The following DNM3 variants were observed in gnomAD, a reference collection of about 807,000 sequenced individuals.
DNM3 encodes the protein dynamin 3, also known as dynamin-3.
Under a neutral mutation model 101.6 loss-of-function variants are expected in DNM3, and 47 were observed. The ratio of observed to expected loss-of-function variants is 0.46; its 90% CI spans 0.37 to 0.59. DNM3 has a LOEUF of 0.59. DNM3 is among the 20% of genes least tolerant of loss of function. The pLI is 0.00. For missense variants in DNM3, 849 were observed against 1,085.7 expected, an observed-to-expected ratio of 0.78 and a Z score of 3.06; for synonymous variants, 385 against 387.9, an observed-to-expected ratio of 0.99 and a Z score of 0.09.
intron 2 of DNM3, among the ~76,000 whole-genome samples, chr1:171,939,574 T>C (rs1257799177): frequency 6.6e-6 from 1 of 152,212 alleles, no homozygotes; most frequent in Non-Finnish European, 1.5e-5. Context: ...ACAAGTTCCT[T>C]AGTTTTAGGA....
intron 15 of DNM3, among the ~76,000 whole-genome samples, chr1:172,299,848 G>C (rs1390367125): frequency 2.6e-5 from 4 of 152,142 alleles, no homozygotes; most frequent in African/African-American, 9.7e-5. Context: ...TGAACATACA[G>C]GCACATGTGT....
chr1:172,074,997 T>A (rs951274823), intron 11 of DNM3, among the ~76,000 whole-genome samples: 8 of 152,240 alleles, frequency 5.3e-5, no homozygotes, highest in African/African-American at 1.7e-4. Context: ...GACTTTTTAA[T>A]GATTTCTATT....
chr1:172,287,316 C>A (rs1557935828), intron 15 of DNM3, among the ~76,000 whole-genome samples: 2 of 152,112 alleles, frequency 1.3e-5, no homozygotes, highest in African/African-American at 4.8e-5. Context: ...AATCTATTTT[C>A]TTTATGACCT....
At chr1:172,029,378 A>G (rs943282266) in intron 4 of DNM3, among the ~76,000 whole-genome samples, 23 of 152,198 alleles carry the variant, frequency 1.5e-4, no homozygotes, top group Admixed American at 1.5e-3. Context: ...AAAACTCTCA[A>G]TAAACTAGGT....
At chr1:172,229,541 T>G (rs923443786) in intron 14 of DNM3, among the ~76,000 whole-genome samples, 1 of 152,176 alleles carries the variant, frequency 6.6e-6, no homozygotes, top group Non-Finnish European at 1.5e-5. Context: ...ACTCTACATA[T>G]GAAAATGTTG....
At chr1:172,232,297 T>C (rs1481042183) in intron 14 of DNM3, among the ~76,000 whole-genome samples, 4 of 152,118 alleles carry the variant, frequency 2.6e-5, no homozygotes, top group Non-Finnish European at 5.9e-5. Context: ...AAGAAGGCCA[T>C]TACATAATGG....
At chr1:172,053,128 A>C (rs976396828) in intron 10 of DNM3, among the ~76,000 whole-genome samples, 5 of 152,120 alleles carry the variant, frequency 3.3e-5, no homozygotes, top group Non-Finnish European at 5.9e-5. Context: ...TAAAGTTCAG[A>C]TCATTTAGGG....
intron 2 of DNM3, among the ~76,000 whole-genome samples, chr1:171,980,792 A>G (rs2044733783): frequency 7.3e-6 from 1 of 136,454 alleles, no homozygotes; most frequent in Non-Finnish European, 1.5e-5. Flanking sequence ...TTTTTTTGAG[A>G]CAGAGTCTCA....
intron 14 of DNM3, among the ~76,000 whole-genome samples, chr1:172,240,138 A>T (rs1050151967): frequency 6.6e-6 from 1 of 152,112 alleles, no homozygotes; most frequent in African/African-American, 2.4e-5. Context: ...TTTTCAAAGA[A>T]ACTATGTTCC....
intron 14 of DNM3, among the ~76,000 whole-genome samples, chr1:172,192,956 A>T (rs952078086): frequency 1.3e-5 from 2 of 151,314 alleles, no homozygotes; most frequent in African/African-American, 4.9e-5. Context: ...CGCCACACTG[A>T]CTTCCACAAT....
chr1:172,054,531 C>G (rs772422204), intron 10 of DNM3, among the ~76,000 whole-genome samples: 3 of 152,016 alleles, frequency 2.0e-5, no homozygotes, highest in Non-Finnish European at 4.4e-5. Context: ...CACAGTTTAG[C>G]AACTGTGCCA....
At chr1:172,022,343 G>T (rs929518910) in intron 4 of DNM3, among the ~76,000 whole-genome samples, 1 of 152,058 alleles carries the variant, frequency 6.6e-6, no homozygotes, top group Non-Finnish European at 1.5e-5. Flanking sequence ...AATCCTTTCT[G>T]ACAGTGGTTT....
chr1:172,089,166 CAT>C (rs140469666), intron 12 of DNM3, among the ~76,000 whole-genome samples: 5,580 of 152,278 alleles, frequency 0.037, 247 homozygotes, highest in East Asian at 0.14. Flanking sequence ...TACATCCTCA[CAT>C]GTTTATTAAT....
chr1:171,867,336 G>A (rs540544530), intron 1 of DNM3, among the ~76,000 whole-genome samples: 2 of 152,306 alleles, frequency 1.3e-5, no homozygotes, highest in South Asian at 4.1e-4. Flanking sequence ...GTGCCTCTGT[G>A]ATTGCTTTAT....
intron 14 of DNM3, among the ~76,000 whole-genome samples, chr1:172,230,793 AT>A (rs1357073903): frequency 6.6e-6 from 1 of 152,070 alleles, no homozygotes; most frequent in Non-Finnish European, 1.5e-5. Flanking sequence ...ATCCTGCTGC[AT>A]TTCTTAGAAA....
At chr1:171,886,300 A>G (rs1397045159) in intron 1 of DNM3, among the ~76,000 whole-genome samples, 3 of 152,240 alleles carry the variant, frequency 2.0e-5, no homozygotes, top group African/African-American at 7.2e-5. Flanking sequence ...AGATCCAGTC[A>G]GTACCAAGTA....
chr1:172,362,496 C>T (rs1022856657), intron 17 of DNM3, among the ~76,000 whole-genome samples: 101 of 151,638 alleles, frequency 6.7e-4, no homozygotes, highest in African/African-American at 2.3e-3. Context: ...GTGAATTTTT[C>T]GAGTATTTCT....
At chr1:171,963,682 A>C (rs1558335965) in intron 2 of DNM3, among the ~76,000 whole-genome samples, 1 of 151,840 alleles carries the variant, frequency 6.6e-6, no homozygotes, top group African/African-American at 2.4e-5. Flanking sequence ...AAGCTGCTCT[A>C]AAAATGGTCT....
At chr1:172,145,052 T>A (rs942400785) in intron 14 of DNM3, among the ~76,000 whole-genome samples, 2 of 151,440 alleles carry the variant, frequency 1.3e-5, no homozygotes, top group South Asian at 2.1e-4. Flanking sequence ...GGCCCCAGTA[T>A]GGAAAAGCTG....
Sources: allele counts gnomAD v4.1 joint callset (sites outside exome capture counted in the v4.1 genomes callset), GRCh38; gene constraint gnomAD v4.1.1; transcripts MANE v1.5; gene names NCBI Gene and HGNC (gene_info 2026-07-23, HGNC 2026-07-21).